EDIL3: variants seen among roughly 807,000 people sequenced by gnomAD.
EDIL3 encodes the protein EGF-like repeat and discoidin I-like domain-containing protein 3.
In EDIL3, 37 loss-of-function variants were observed where a neutral mutation model predicts 67.4. That is an observed-to-expected ratio of 0.55 (90% CI 0.42 to 0.72). The LOEUF is 0.72. EDIL3 is among the 30% of genes least tolerant of loss of function. The pLI is 0.00. For missense variants in EDIL3, 527 were observed against 586.3 expected (o/e 0.90, Z 1.04); for synonymous variants, 195 against 196.3 (o/e 0.99, Z 0.05).
At chr5:84,307,581 G>C (rs1185870577) in intron 1 of EDIL3, among the ~76,000 whole-genome samples, 1 of 152,168 alleles carries the variant, frequency 6.6e-6, no homozygotes, top group Non-Finnish European at 1.5e-5. Context: ...GCAACTGTAG[G>C]CTGCATACAT....
At chr5:84,114,958 C>A (rs1747638626) in intron 5 of EDIL3, among the ~76,000 whole-genome samples, 1 of 152,128 alleles carries the variant, frequency 6.6e-6, no homozygotes, top group Non-Finnish European at 1.5e-5. Context: ...AGAGACGATG[C>A]CTTTTGCATT....
At chr5:84,073,619 A>C (rs1746788687) in intron 6 of EDIL3, among the ~76,000 whole-genome samples, 1 of 152,138 alleles carries the variant, frequency 6.6e-6, no homozygotes, top group South Asian at 2.1e-4. Flanking sequence ...AGAATAAAAT[A>C]CCTAGGAATC....
At chr5:84,051,326 G>A (rs1746333580) in intron 9 of EDIL3, among the ~76,000 whole-genome samples, 1 of 152,140 alleles carries the variant, frequency 6.6e-6, no homozygotes, top group Non-Finnish European at 1.5e-5. Flanking sequence ...CATCATCAAA[G>A]ACCAAAGGTA....
At chr5:84,013,495 C>T (rs1218742575) in intron 9 of EDIL3, among the ~76,000 whole-genome samples, 1 of 152,106 alleles carries the variant, frequency 6.6e-6, no homozygotes, top group African/African-American at 2.4e-5. Flanking sequence ...GCCAAACACA[C>T]AGATTCCTCC....
chr5:84,178,618 A>G (rs1380340070), intron 4 of EDIL3, among the ~76,000 whole-genome samples: 3 of 152,304 alleles, frequency 2.0e-5, no homozygotes, highest in African/African-American at 4.8e-5. Flanking sequence ...TTCCAGTTCA[A>G]TTATCCAATT....
Position 84,052,098 on chromosome 5 carries a change from A to G in EDIL3, c.1137+8202T>C, listed in dbSNP as rs1746350780. Among the ~76,000 whole-genome samples the G allele has an allele frequency of 5.9e-5, 9 of 152,378 alleles. No individual in the cohort carries two copies. In the South Asian group the frequency reaches 1.0e-3, roughly 18 times the overall value. The stretch of plus-strand genomic sequence containing the variant: ...CCCACAAAGGGAAGCCCATCAGACT[A>G]ACAGCGGATCTCTCGGCAGAAACTC... On this transcript the variant is annotated intron_variant, in intron 9 of 10. Transcript: ENST00000296591.
At chr5:84,173,620 G>A (rs1390802785) in intron 4 of EDIL3, among the ~76,000 whole-genome samples, 2 of 152,160 alleles carry the variant, frequency 1.3e-5, no homozygotes, top group Non-Finnish European at 2.9e-5. Flanking sequence ...GGAACATGCA[G>A]GCAGAGGCTA....
chr5:83,948,255 T>G (rs958967822), intron 10 of EDIL3, among the ~76,000 whole-genome samples: 7 of 151,686 alleles, frequency 4.6e-5, no homozygotes, highest in South Asian at 4.1e-4. Flanking sequence ...ATAATTCTGA[T>G]TTTTGTGGCT....
intron 4 of EDIL3, among the ~76,000 whole-genome samples, chr5:84,178,071 T>C (rs1748951914): frequency 6.6e-6 from 1 of 152,212 alleles, no homozygotes; most frequent in East Asian, 1.9e-4. Context: ...ATTTTCAGTA[T>C]AGTTTTGATT....
In EDIL3 at chr5:84,174,677, C is replaced by T. The variant is rs116291334; in HGVS notation, c.355+5716G>A. Among the ~76,000 whole-genome samples, 219 of 152,196 alleles carry T rather than the reference C, an allele frequency of 1.4e-3. 1 individual carries two copies. Among genetic ancestry groups the T allele is most frequent in the African/African-American group, 5.0e-3 (209 of 41,528 alleles). ...GCAGAGAACCTCTTCACTGACTGGG[C>T]GCAGACTGTGGCCTCTCTCTAGAAC... is the stretch of plus-strand genomic sequence containing the variant. On this transcript the variant is annotated intron_variant, in intron 4 of 10. Coordinates refer to ENST00000296591, the MANE Select transcript of EDIL3 (RefSeq NM_005711.5).
intron 4 of EDIL3, among the ~76,000 whole-genome samples, chr5:84,152,745 T>C (rs1748419868): frequency 6.6e-6 from 1 of 152,198 alleles, no homozygotes; most frequent in Non-Finnish European, 1.5e-5. Flanking sequence ...GTAGTTCTGA[T>C]TAAATAAGCT....
At position 84,141,104 on chromosome 5, in the gene EDIL3, T is replaced by C. The variant is rs142824686; in HGVS notation, c.356-3750A>G. ...TTCGTCACAGATCAAGACATTATCA[T>C]TGCCAGAAAAAAGTCCACATCCATT... is the stretch of plus-strand genomic sequence containing the variant. On this transcript the variant is annotated intron_variant, in intron 4 of 10. Coordinates refer to ENST00000296591, the MANE Select transcript of EDIL3 (RefSeq NM_005711.5). 4.0e-3 allele frequency among the ~76,000 whole-genome samples: 601 copies of C among 152,112 alleles called. 2 individuals are homozygous for C. Among genetic ancestry groups the C allele is most frequent in the African/African-American group, 0.014 (568 of 41,510 alleles).
intron 4 of EDIL3, among the ~76,000 whole-genome samples, chr5:84,161,227 T>C (rs1027683696): frequency 2.0e-5 from 3 of 152,084 alleles, no homozygotes; most frequent in African/African-American, 7.2e-5. Context: ...CACATTTTCT[T>C]TATCTACTCA....
intron 1 of EDIL3, among the ~76,000 whole-genome samples, chr5:84,346,094 C>G (rs969048356): frequency 4.0e-5 from 6 of 150,856 alleles, no homozygotes; most frequent in Non-Finnish European, 8.9e-5. Flanking sequence ...CTACTCTTTT[C>G]CCTTAAATCT....
intron 1 of EDIL3, among the ~76,000 whole-genome samples, chr5:84,369,825 ATGG>A (rs1456513961): frequency 6.6e-6 from 1 of 152,216 alleles, no homozygotes; most frequent in Admixed American, 6.6e-5. Flanking sequence ...GATCCATTTT[ATGG>A]TTAAACATAT....
chr5:84,074,374 T>C (rs1461908066), intron 6 of EDIL3, among the ~76,000 whole-genome samples: 1 of 152,146 alleles, frequency 6.6e-6, no homozygotes, highest in Non-Finnish European at 1.5e-5. Context: ...AAAGAGCTTC[T>C]GCACAGCAAA....
chr5:84,186,845 A>T lies in EDIL3; in HGVS notation c.227-6324T>A, dbSNP rs891402962. Among the ~76,000 whole-genome samples the T allele has an allele frequency of 3.3e-5, 5 of 152,198 alleles. 2 individuals carry two copies. Among genetic ancestry groups the T allele is most frequent in the Admixed American group, 3.3e-4 (5 of 15,264 alleles). On this transcript the variant is annotated intron_variant, in intron 3 of 10. Coordinates refer to ENST00000296591, the MANE Select transcript of EDIL3 (RefSeq NM_005711.5). Reference sequence around the variant, plus strand: ...CAACCACTCAGAGCTTGTAAAACAAAAAGATAGAAGACAAGGGCAATCTCA... The same window carrying T: ...CAACCACTCAGAGCTTGTAAAACAATAAGATAGAAGACAAGGGCAATCTCA...
chr5:84,262,659 G>GTTTTTTTTTGTTTTT (rs1745251371), intron 1 of EDIL3, among the ~76,000 whole-genome samples: 2 of 46,310 alleles, frequency 4.3e-5, no homozygotes, highest in Admixed American at 4.4e-4. Flanking sequence ...AGGTTGGTTG[G>GTTTTTTTTTGTTTTT]TTTTTTTTTT....
At chr5:84,223,278 C>G (rs772359870) in intron 3 of EDIL3, among the ~76,000 whole-genome samples, 34 of 151,702 alleles carry the variant, frequency 2.2e-4, no homozygotes, top group Non-Finnish European at 8.9e-5. Flanking sequence ...TATGACCTAG[C>G]AACCCCTCTT....
Sources: gnomAD v4.1 joint callset for allele counts (sites outside exome capture counted in the v4.1 genomes callset) on GRCh38, gnomAD v4.1.1 for gene constraint, MANE v1.5 for transcripts, NCBI Gene and HGNC (gene_info 2026-07-23, HGNC 2026-07-21) for gene names.